Variants in FRS2 observed in about 807,000 individuals in gnomAD.
FRS2 encodes fibroblast growth factor receptor substrate 2.
In FRS2, 8 loss-of-function variants were observed where a neutral mutation model predicts 43.9. That is an observed-to-expected ratio of 0.18 (90% CI 0.11 to 0.33). FRS2 has a LOEUF of 0.33. FRS2 is among the 10% of genes least tolerant of loss of function. The pLI is 1.00. For missense variants in FRS2, 534 were observed against 627.6 expected (o/e 0.85, Z 1.59); for synonymous variants, 219 against 220.3 (o/e 0.99, Z 0.05).
intron 3 of FRS2, among the ~76,000 whole-genome samples, chr12:69,532,375 T>C (rs1243571882): frequency 6.6e-6 from 1 of 152,208 alleles, no homozygotes; most frequent in Non-Finnish European, 1.5e-5. Flanking sequence ...CATTTATCTT[T>C]TACTCAGTGG....
chr12:69,539,669 T>C (rs1253675457), intron 3 of FRS2, among the ~76,000 whole-genome samples: 4 of 152,032 alleles, frequency 2.6e-5, no homozygotes, highest in Non-Finnish European at 5.9e-5. Context: ...CTTGGAGAAA[T>C]GGCTTAATCT....
chr12:69,538,687 T>C (rs1168177605), intron 3 of FRS2, among the ~76,000 whole-genome samples: 1 of 152,204 alleles, frequency 6.6e-6, no homozygotes. Flanking sequence ...CCTCACATTA[T>C]ACATTTGTCA....
chr12:69,471,578 T>C (rs531482472), intron 1 of FRS2, among the ~76,000 whole-genome samples: 1 of 152,362 alleles, frequency 6.6e-6, no homozygotes, highest in East Asian at 1.9e-4. Flanking sequence ...TCGGATAAAC[T>C]GAGGATTTCC....
chr12:69,481,093 A>G (rs1871310810), intron 1 of FRS2, among the ~76,000 whole-genome samples: 1 of 152,202 alleles, frequency 6.6e-6, no homozygotes, highest in African/African-American at 2.4e-5. Flanking sequence ...AGACCTCTGT[A>G]TACCCTTTAT....
In FRS2 at chr12:69,484,095, C is replaced by CTTTTTTTTTTTTTTTTTT. The variant is rs368221087; in HGVS notation, c.-261+13574_-261+13575insTTTTTTTTTTTTTTTTTT. Among the ~76,000 whole-genome samples the CTTTTTTTTTTTTTTTTTT allele has an allele frequency of 2.0e-5, 3 of 149,264 alleles. 1 individual carries two copies. The highest frequency in any genetic ancestry group is 3.0e-5 in the Non-Finnish European group (2 of 66,836). On this transcript the variant is annotated intron_variant, in intron 1 of 8. Transcript: ENST00000549921. ...TAATTAATTGGAAAAGCTTTTCTTT[C>CTTTTTTTTTTTTTTTTTT]TTTTTTTTTGACAGAGTCTCGCTCT...
intron 1 of FRS2, among the ~76,000 whole-genome samples, chr12:69,485,099 A>ACACACACACACACACACGCGCG (rs1871746437): frequency 7.0e-6 from 1 of 143,048 alleles, no homozygotes; most frequent in African/African-American, 2.8e-5. Context: ...ACACACACAC[A>ACACACACACACACACACGCGCG]CACACACACA....
In FRS2 at chr12:69,476,441, C is replaced by G. The variant is rs1870780530; in HGVS notation, c.-261+5911C>G. On this transcript the variant is annotated intron_variant, in intron 1 of 8. Transcript: ENST00000549921. The stretch of plus-strand genomic sequence containing the variant: ...TTAGCCAACAAGATAAATAACTCGC[C>G]TTTGACATAGTGAAGCAGCAGAAAT... 3.9e-5 allele frequency among the ~76,000 whole-genome samples: 6 copies of G among 152,226 alleles called. No individual in the cohort carries two copies. The South Asian group carries it at 8.3e-4, about 21-fold the overall frequency.
intron 1 of FRS2, among the ~76,000 whole-genome samples, chr12:69,470,965 A>C (rs1157864594): frequency 6.6e-6 from 1 of 152,036 alleles, no homozygotes; most frequent in Non-Finnish European, 1.5e-5. Context: ...GTCAGTAATT[A>C]ACCCGGGTCC....
chr12:69,488,912 A>G (rs919441724), intron 1 of FRS2, among the ~76,000 whole-genome samples: 14 of 152,190 alleles, frequency 9.2e-5, no homozygotes, highest in African/African-American at 3.4e-4. Context: ...TTAGAAGACT[A>G]CTAGGTGTAG....
intron 3 of FRS2, among the ~76,000 whole-genome samples, chr12:69,544,413 G>T: frequency 1.3e-5 from 2 of 152,020 alleles, no homozygotes; most frequent in East Asian, 3.8e-4. Context: ...ACTAAAACTA[G>T]AAGTAAAAGG....
At chr12:69,502,823 C>T (rs992016623) in intron 1 of FRS2, among the ~76,000 whole-genome samples, 1 of 152,130 alleles carries the variant, frequency 6.6e-6, no homozygotes, top group African/African-American at 2.4e-5. Context: ...TCTGGTCTTC[C>T]TGTTGGAAGT....
intron 3 of FRS2, among the ~76,000 whole-genome samples, chr12:69,547,830 C>CTTTTTTTTTTTTTTTT (rs71094722): frequency 9.7e-6 from 1 of 102,726 alleles, no homozygotes; most frequent in African/African-American, 3.6e-5. Context: ...TCCATTAATA[C>CTTTTTTTTTTTTTTTT]TTTTTTTTTT....
intron 3 of FRS2, among the ~76,000 whole-genome samples, chr12:69,547,738 A>C (rs1428731753): frequency 6.6e-6 from 1 of 151,802 alleles, no homozygotes; most frequent in Non-Finnish European, 1.5e-5. Context: ...TCCATTATTA[A>C]TGAGTTAAAT....
At chr12:69,560,204 T>C (rs1879765563) in intron 3 of FRS2, among the ~76,000 whole-genome samples, 1 of 152,236 alleles carries the variant, frequency 6.6e-6, no homozygotes, top group African/African-American at 2.4e-5. Flanking sequence ...CTTTGTGAAA[T>C]AAGAGACAGA....
In FRS2 at chr12:69,491,261, AT is replaced by A. The variant is rs532820003; in HGVS notation, c.-261+20737del. Reference sequence around the variant, plus strand: ...CAGGCACAAGCCACCCACCTGCCTAATTTTTTATATTTTTTATAAAGACGAG... The same window carrying A: ...CAGGCACAAGCCACCCACCTGCCTAATTTTTATATTTTTTATAAAGACGAG... On this transcript the variant is annotated intron_variant, in intron 1 of 8. Coordinates refer to ENST00000549921, the MANE Select transcript of FRS2 (RefSeq NM_001278356.2). 1.0e-3 allele frequency among the ~76,000 whole-genome samples: 157 copies of A among 151,802 alleles called. 1 individual carries two copies. Among genetic ancestry groups the A allele is most frequent in the Admixed American group, 5.3e-3 (81 of 15,236 alleles).
At chr12:69,535,544 A>G (rs1877190826) in intron 3 of FRS2, among the ~76,000 whole-genome samples, 1 of 152,182 alleles carries the variant, frequency 6.6e-6, no homozygotes, top group Non-Finnish European at 1.5e-5. Context: ...ATGGAGGGAA[A>G]TGAAAGGATT....
At chr12:69,571,222 T>C in intron 6 of FRS2, 54 bp from the exon 7 acceptor site, 4 of 1,196,418 alleles carry the variant, frequency 3.3e-6, no homozygotes, top group Non-Finnish European at 4.8e-6. Flanking sequence ...AGTGTTCCTA[T>C]AGTTTTTTTT....
chr12:69,574,673 T>A lies in FRS2; in HGVS notation c.1245T>A (p.Cys415Ter). ...HKIEYSRRRD[C>*]TPTVFNFDIR... is the part of the protein sequence containing the mutation. ...TAGAATATTCAAGGCGTCGGGACTGTACACCAACAGTCTTTAACTTTGATA... is the reference window on the plus strand; with the variant it reads ...TAGAATATTCAAGGCGTCGGGACTGAACACCAACAGTCTTTAACTTTGATA... Residue 415 changes from cysteine to a stop codon, truncating the protein, a stop_gained, in exon 9 of 9, where the codon TGT (cysteine) becomes TGA (stop). Coordinates refer to ENST00000549921, the MANE Select transcript of FRS2 (RefSeq NM_001278356.2). LOFTEE classifies it high-confidence loss of function. The A allele has an allele frequency of 6.2e-7, 1 of 1,614,210 alleles. No individual in the cohort carries two copies. Among genetic ancestry groups the A allele is most frequent in the Non-Finnish European group, 8.5e-7 (1 of 1,180,040 alleles).
At chr12:69,493,789 C>T (rs1872660157) in intron 1 of FRS2, among the ~76,000 whole-genome samples, 1 of 152,182 alleles carries the variant, frequency 6.6e-6, no homozygotes, top group South Asian at 2.1e-4. Flanking sequence ...TAGCACTTGT[C>T]ATTTTGATGT....
Sources: gnomAD v4.1 joint callset for allele counts (sites outside exome capture counted in the v4.1 genomes callset) on GRCh38, gnomAD v4.1.1 for gene constraint, MANE v1.5 for transcripts, NCBI Gene and HGNC (gene_info 2026-07-23, HGNC 2026-07-21) for gene names.